LRMDA: variants seen among roughly 807,000 people sequenced by gnomAD.
LRMDA encodes the protein leucine-rich melanocyte differentiation-associated protein.
A neutral mutation model predicts 29.8 loss-of-function variants in LRMDA; 18 were observed. That is an observed-to-expected ratio of 0.60 (90% confidence interval 0.42 to 0.90). The LOEUF (loss-of-function observed/expected upper bound fraction) is 0.90. LRMDA is among the 40% of genes least tolerant of loss of function. LRMDA has a pLI of 0.00. For synonymous variants in LRMDA, 125 were observed against 109.4 expected, an observed-to-expected ratio of 1.14 and a Z score of -0.89; for missense variants, 273 against 273.9, an observed-to-expected ratio of 1.00 and a Z score of 0.02.
At chr10:76,171,536 A>G (rs1041528620) in intron 5 of LRMDA, among the ~76,000 whole-genome samples, 2 of 152,186 alleles carry the variant, frequency 1.3e-5, no homozygotes, top group African/African-American at 4.8e-5. Flanking sequence ...GGCCAAGCTC[A>G]TTAGCATGGC....
rs74389739 is a variant in LRMDA, at chr10:75,472,354, C to G, written c.131+33860C>G. Among the ~76,000 whole-genome samples the G allele has an allele frequency of 7.4e-3, 1,134 of 152,272 alleles. 13 individuals are homozygous for G. The highest frequency in any genetic ancestry group is 0.026 in the African/African-American group (1,075 of 41,542). On this transcript the variant is annotated intron_variant, in intron 2 of 6. Transcript: ENST00000611255. The stretch of plus-strand genomic sequence containing the variant: ...ATTATGTACCAGGCACTGTCCAGCT[C>G]TTGTCTCATTTAATCCTCGTAACGA...
chr10:75,896,404 A>G (rs1006583972), intron 2 of LRMDA, among the ~76,000 whole-genome samples: 1 of 152,226 alleles, frequency 6.6e-6, no homozygotes, highest in African/African-American at 2.4e-5. Context: ...TTGTTTATTG[A>G]TGATCCAAAA....
At chr10:75,924,669 C>T (rs564624951) in intron 2 of LRMDA, among the ~76,000 whole-genome samples, 24 of 152,018 alleles carry the variant, frequency 1.6e-4, no homozygotes, top group African/African-American at 3.1e-4. Context: ...CAAAGGAATC[C>T]GCCTGTCAGC....
chr10:75,446,074 T>A (rs1844391342), intron 2 of LRMDA, among the ~76,000 whole-genome samples: 1 of 152,262 alleles, frequency 6.6e-6, no homozygotes, highest in Admixed American at 6.5e-5. Flanking sequence ...ACACCTGGAA[T>A]ACTGTCAGAG....
At chr10:75,876,025 T>C (rs1260637457) in intron 2 of LRMDA, among the ~76,000 whole-genome samples, 2 of 151,792 alleles carry the variant, frequency 1.3e-5, no homozygotes. Context: ...TGGTAGGACA[T>C]GAGGCCTGAT....
At chr10:75,991,483 T>A (rs1173358728) in intron 2 of LRMDA, among the ~76,000 whole-genome samples, 2 of 152,184 alleles carry the variant, frequency 1.3e-5, no homozygotes, top group African/African-American at 2.4e-5. Flanking sequence ...CATCTGGTAA[T>A]CAGCTGTAAA....
At chr10:75,969,740 C>T (rs1564619472) in intron 2 of LRMDA, among the ~76,000 whole-genome samples, 1 of 151,952 alleles carries the variant, frequency 6.6e-6, no homozygotes, top group East Asian at 1.9e-4. Context: ...CTTCCCTGGA[C>T]TTTTTTTAGG....
intron 2 of LRMDA, among the ~76,000 whole-genome samples, chr10:75,444,741 C>T (rs1204622296): frequency 6.6e-6 from 1 of 152,052 alleles, no homozygotes; most frequent in African/African-American, 2.4e-5. Context: ...TATTGGAAAA[C>T]CCAGAGAAAG....
intron 6 of LRMDA, among the ~76,000 whole-genome samples, chr10:76,371,231 G>C (rs945246037): frequency 3.9e-5 from 6 of 152,156 alleles, no homozygotes; most frequent in Non-Finnish European, 8.8e-5. Flanking sequence ...GTAGGGATGT[G>C]TCAATTGAGA....
At chr10:76,480,843 C>T (rs569154287) in intron 6 of LRMDA, among the ~76,000 whole-genome samples, 6 of 151,864 alleles carry the variant, frequency 4.0e-5, no homozygotes, top group South Asian at 2.1e-4. Context: ...AATAACCCAG[C>T]GAAAAATAAT....
At chr10:76,332,431 T>C (rs1352634241) in intron 6 of LRMDA, among the ~76,000 whole-genome samples, 3 of 152,192 alleles carry the variant, frequency 2.0e-5, no homozygotes, top group Non-Finnish European at 4.4e-5. Flanking sequence ...TGTGGTATAC[T>C]TGTAGACAGA....
chr10:75,816,365 T>G lies in LRMDA; in HGVS notation c.132-219643T>G, dbSNP rs915792239. Among the ~76,000 whole-genome samples the G allele has an allele frequency of 2.0e-5, 3 of 152,110 alleles. 1 individual carries two copies. The South Asian group carries it at 6.2e-4, about 31-fold the overall frequency. ...TGGCTGAGGGTTCCTTCATTAAGAC[T>G]AGTGACTGCCATGTTGTGCTGTGAG... On this transcript the variant is annotated intron_variant, in intron 2 of 6. Transcript: ENST00000611255.
chr10:76,507,568 C>G (rs772045428), intron 6 of LRMDA, among the ~76,000 whole-genome samples: 4 of 152,078 alleles, frequency 2.6e-5, no homozygotes, highest in Non-Finnish European at 5.9e-5. Context: ...AAAATATTTG[C>G]TAAGATTGTT....
At chr10:75,708,595 T>G (rs1170403503) in intron 2 of LRMDA, among the ~76,000 whole-genome samples, 1 of 152,132 alleles carries the variant, frequency 6.6e-6, no homozygotes, top group East Asian at 1.9e-4. Flanking sequence ...CAAAGCGATG[T>G]GATCCCTGGG....
chr10:75,839,101 G>C (rs1333250198), intron 2 of LRMDA, among the ~76,000 whole-genome samples: 3 of 152,240 alleles, frequency 2.0e-5, no homozygotes, highest in Admixed American at 6.5e-5. Context: ...AAAATACATA[G>C]AGCAGTTGTC....
At chr10:76,084,405 G>T (rs1849101685) in intron 5 of LRMDA, among the ~76,000 whole-genome samples, 1 of 73,962 alleles carries the variant, frequency 1.4e-5, no homozygotes, top group African/African-American at 5.4e-5. Context: ...TGTAGAGTCA[G>T]GGTTTTACCA....
intron 2 of LRMDA, among the ~76,000 whole-genome samples, chr10:75,868,988 C>T (rs1845065676): frequency 6.6e-6 from 1 of 152,178 alleles, no homozygotes; most frequent in African/African-American, 2.4e-5. Context: ...ATGGAGGTCA[C>T]AGGTAAGGCA....
chr10:76,397,852 A>G (rs1243756598), intron 6 of LRMDA, among the ~76,000 whole-genome samples: 1 of 152,238 alleles, frequency 6.6e-6, no homozygotes, highest in Non-Finnish European at 1.5e-5. Context: ...CAACAGAAAA[A>G]GAATGAGTGC....
chr10:76,058,646 C>T lies in LRMDA; in HGVS notation c.399-20C>T, dbSNP rs751224730. The T allele has an allele frequency of 5.0e-6, 8 of 1,596,992 alleles. No homozygotes were observed. In the South Asian group the frequency reaches 6.6e-5, roughly 13 times the overall value. The stretch of plus-strand genomic sequence containing the variant: ...CTGCCACTCAAACTTCCTGAGTTGT[C>T]TCTGACTCTTATCTTCCAGATGCTT... On this transcript the variant is annotated intron_variant, in intron 4 of 6. Transcript: ENST00000611255.
Sources: gnomAD v4.1 joint callset for allele counts (sites outside exome capture counted in the v4.1 genomes callset) on GRCh38, gnomAD v4.1.1 for gene constraint, MANE v1.5 for transcripts, NCBI Gene and HGNC (gene_info 2026-07-23, HGNC 2026-07-21) for gene names.